The following RGPD2 variants were observed in gnomAD, a reference collection of about 807,000 sequenced individuals.
The protein encoded by RGPD2 is RANBP2-like and GRIP domain-containing protein 2.
A neutral mutation model predicts 36.0 loss-of-function variants in RGPD2; 2 were observed. The observed-to-expected ratio is 0.06, with a 90% CI of 0.02 to 0.17. RGPD2 has a LOEUF of 0.17. RGPD2 is among the 10% of genes least tolerant of loss of function. The pLI, the probability that RGPD2 is intolerant of heterozygous loss-of-function variation, is 1.00. For synonymous variants in RGPD2, 19 were observed against 163.8 expected, an observed-to-expected ratio of 0.12 and a Z score of 6.75; for missense variants, 40 against 464.3, an observed-to-expected ratio of 0.09 and a Z score of 8.40.
At chr2:87,857,367 G>A in the RGPD2 span, among the ~76,000 whole-genome samples, 1 of 151,300 alleles carries the variant, frequency 6.6e-6, no homozygotes, top group Admixed American at 6.6e-5. Context: ...TTTTGAGACG[G>A]AGTCTCGCTC....
At chr2:87,933,488 T>C in the RGPD2 span, among the ~76,000 whole-genome samples, 21 of 147,610 alleles carry the variant, frequency 1.4e-4, no homozygotes, top group African/African-American at 4.2e-4. Flanking sequence ...TACCATCTCA[T>C]TGGGGAAACA....
chr2:87,826,991 G>C (rs1323071940), upstream of RGPD2, among the ~76,000 whole-genome samples: 1 of 138,830 alleles, frequency 7.2e-6, no homozygotes. Flanking sequence ...TGCTTGCAGG[G>C]ATTAAAGAAT....
chr2:87,915,522 A>G, the RGPD2 span, among the ~76,000 whole-genome samples: 2 of 142,984 alleles, frequency 1.4e-5, no homozygotes, highest in African/African-American at 2.6e-5. Flanking sequence ...CAATTTTTGT[A>G]TATATACATA....
At chr2:87,769,272 T>C (rs1444524966) in intron 22 of RGPD2, among the ~76,000 whole-genome samples, 1 of 151,300 alleles carries the variant, frequency 6.6e-6, no homozygotes, top group East Asian at 1.9e-4. Context: ...AGGCCTTACA[T>C]TCTCTCTCTT....
intron 22 of RGPD2, among the ~76,000 whole-genome samples, chr2:87,766,505 G>T (rs1684982297): frequency 1.6e-5 from 2 of 124,024 alleles, no homozygotes; most frequent in African/African-American, 3.2e-5. Context: ...GATTTAATTT[G>T]GTATTACCCT....
At chr2:87,957,637 C>T in the RGPD2 span, among the ~76,000 whole-genome samples, 1 of 152,140 alleles carries the variant, frequency 6.6e-6, no homozygotes, top group East Asian at 1.9e-4. Flanking sequence ...CCCATAGGCC[C>T]CAGCTCTTAA....
At chr2:87,824,763 C>T (rs1380504269) in intron 1 of RGPD2, among the ~76,000 whole-genome samples, 31 of 117,158 alleles carry the variant, frequency 2.6e-4, no homozygotes, top group Admixed American at 7.8e-4. Flanking sequence ...CCGCCGCCGC[C>T]GCCGCCCGGC....
the RGPD2 span, among the ~76,000 whole-genome samples, chr2:87,873,175 T>C: frequency 1.3e-5 from 2 of 151,856 alleles, no homozygotes; most frequent in Non-Finnish European, 2.9e-5. Flanking sequence ...ATAATCTCAT[T>C]CCCTTTTTAT....
chr2:87,809,320 C>T (rs1459232983), intron 6 of RGPD2, among the ~76,000 whole-genome samples: 57 of 150,568 alleles, frequency 3.8e-4, no homozygotes, highest in East Asian at 3.6e-3. Context: ...AAAAAAAGAT[C>T]GAGACCATCC....
chr2:87,854,097 C>T, the RGPD2 span, among the ~76,000 whole-genome samples: 13 of 146,828 alleles, frequency 8.9e-5, no homozygotes, highest in Non-Finnish European at 1.5e-4. Context: ...CCAGGCTGAA[C>T]ATATTATTAT....
the RGPD2 span, among the ~76,000 whole-genome samples, chr2:87,935,408 T>A: frequency 6.7e-6 from 1 of 149,912 alleles, no homozygotes; most frequent in Non-Finnish European, 1.5e-5. Context: ...AATATGGTTG[T>A]ACACAACCAA....
chr2:87,883,711 G>A, the RGPD2 span, among the ~76,000 whole-genome samples: 1 of 151,882 alleles, frequency 6.6e-6, no homozygotes, highest in South Asian at 2.1e-4. Flanking sequence ...CTGTAAAAAG[G>A]GACAAAACAG....
At chr2:87,861,084 AT>A in the RGPD2 span, among the ~76,000 whole-genome samples, 13 of 147,576 alleles carry the variant, frequency 8.8e-5, no homozygotes, top group Admixed American at 8.7e-4. Flanking sequence ...CACTGAACAG[AT>A]TTGTCATTTA....
At position 87,818,020 on chromosome 2, in the gene RGPD2, T is replaced by TAAA. The variant is rs1175812254; in HGVS notation, c.137+536_137+538dup. ...CTGAGCAAGAGAGACAGATACTGAC[T>TAAA]AAAAAAAAAAAAAAAAAAAAAAAAA... On this transcript the variant is annotated intron_variant, in intron 2 of 22. Transcript: ENST00000398146. 2.9e-3 allele frequency among the ~76,000 whole-genome samples: 190 copies of TAAA among 65,338 alleles called. 1 individual carries two copies. Among genetic ancestry groups the TAAA allele is most frequent in the South Asian group, 0.011 (11 of 996 alleles). The allele number at this position is 65,338 out of a possible 152,430, so 42.9% of individuals were successfully genotyped here. A position where few individuals can be genotyped will look rare whatever the true frequency, so the allele number is the denominator to read the frequency against.
the RGPD2 span, chr2:87,985,944 T>A: frequency 6.8e-7 from 1 of 1,474,574 alleles, no homozygotes; most frequent in East Asian, 2.4e-5. Flanking sequence ...ATTTTAGTAT[T>A]CTTACTCTGC....
At chr2:87,955,204 C>G in the RGPD2 span, among the ~76,000 whole-genome samples, 1 of 133,726 alleles carries the variant, frequency 7.5e-6, no homozygotes, top group Non-Finnish European at 1.6e-5. Flanking sequence ...TTAGTAGAGA[C>G]AGGGTTTCAC....
intron 6 of RGPD2, among the ~76,000 whole-genome samples, chr2:87,809,246 A>G (rs969741560): frequency 3.4e-5 from 5 of 148,464 alleles, no homozygotes; most frequent in African/African-American, 4.9e-5. Context: ...CAGAGCTTGC[A>G]GTGAGCCGAG....
chr2:87,915,021 C>T, the RGPD2 span, among the ~76,000 whole-genome samples: 13 of 151,866 alleles, frequency 8.6e-5, no homozygotes, highest in Non-Finnish European at 7.4e-5. Flanking sequence ...GTGGCGCATG[C>T]CTGTAATCCC....
chr2:87,980,505 G>GTAATAC, the RGPD2 span, among the ~76,000 whole-genome samples: 8,632 of 39,962 alleles, frequency 0.22, 48 homozygotes, highest in African/African-American at 0.27. Context: ...AAATCATGCA[G>GTAATAC]TAATACATAC....
Sources: gnomAD v4.1 joint callset for allele counts (sites outside exome capture counted in the v4.1 genomes callset) on GRCh38, gnomAD v4.1.1 for gene constraint, MANE v1.5 for transcripts, NCBI Gene and HGNC (gene_info 2026-07-23, HGNC 2026-07-21) for gene names.